SCML4: variants seen among roughly 807,000 people sequenced by gnomAD.
The protein encoded by SCML4 is sex comb on midleg-like protein 4.
Under a neutral mutation model 41.1 loss-of-function variants are expected in SCML4, and 34 were observed. The observed-to-expected ratio is 0.83, with a 90% CI of 0.63 to 1.10. The LOEUF is 1.10. Ranked by LOEUF, SCML4 falls within the 50% of genes least tolerant of loss-of-function variation. SCML4 has a pLI of 0.00. For missense variants in SCML4, 522 were observed against 534.1 expected (o/e 0.98, Z 0.22); for synonymous variants, 214 against 220.9 (o/e 0.97, Z 0.28).
chr6:107,829,853 G>A, the SCML4 span, among the ~76,000 whole-genome samples: 1 of 152,124 alleles, frequency 6.6e-6, no homozygotes, highest in Non-Finnish European at 1.5e-5. Flanking sequence ...CGTCACATTG[G>A]CAAACATATT....
At chr6:107,845,815 T>G in the SCML4 span, among the ~76,000 whole-genome samples, 1 of 152,216 alleles carries the variant, frequency 6.6e-6, no homozygotes, top group Non-Finnish European at 1.5e-5. Flanking sequence ...TGGTATTACA[T>G]TTTTACCTCG....
intron 5 of SCML4, among the ~76,000 whole-genome samples, chr6:107,730,033 T>C (rs762617588): frequency 1.6e-4 from 25 of 152,226 alleles, no homozygotes; most frequent in Middle Eastern, 6.8e-3. Flanking sequence ...CTTTACACTA[T>C]CCAACATGTT....
At chr6:107,746,960 A>G in intron 3 of SCML4, 71 bp from the exon 4 acceptor site, 3 of 1,324,084 alleles carry the variant, frequency 2.3e-6, no homozygotes, top group Non-Finnish European at 2.1e-6. Flanking sequence ...CTCTGTGTAC[A>G]CGGGGGATGC....
At chr6:107,808,442 G>T (rs575850902) in intron 1 of SCML4, among the ~76,000 whole-genome samples, 93 of 152,120 alleles carry the variant, frequency 6.1e-4, no homozygotes, top group African/African-American at 2.2e-3. Flanking sequence ...TTTTGTTTTT[G>T]TTTTTTCCTG....
intron 1 of SCML4, among the ~76,000 whole-genome samples, chr6:107,778,889 G>A (rs1370812980): frequency 6.6e-6 from 1 of 152,134 alleles, no homozygotes; most frequent in African/African-American, 2.4e-5. Context: ...ATAAAAATAA[G>A]ACACATCCCG....
intron 6 of SCML4, among the ~76,000 whole-genome samples, chr6:107,713,891 A>G (rs1257983101): frequency 1.3e-5 from 2 of 152,214 alleles, no homozygotes; most frequent in African/African-American, 4.8e-5. Context: ...AGATTAGCCC[A>G]CGATTATGGC....
chr6:107,772,424 G>A, intron 1 of SCML4, 38 bp from the exon 2 acceptor site: 2 of 1,216,492 alleles, frequency 1.6e-6, no homozygotes, highest in Non-Finnish European at 2.2e-6. Flanking sequence ...AACAAAAACA[G>A]AAGGGTTTGT....
chr6:107,714,495 A>G (rs1774553953), intron 6 of SCML4, among the ~76,000 whole-genome samples: 1 of 152,164 alleles, frequency 6.6e-6, no homozygotes, highest in African/African-American at 2.4e-5. Flanking sequence ...TCTCCCTGAC[A>G]GCAATCATCA....
intron 2 of SCML4, among the ~76,000 whole-genome samples, chr6:107,769,050 T>C (rs757482189): frequency 2.6e-5 from 4 of 152,204 alleles, no homozygotes; most frequent in African/African-American, 4.8e-5. Context: ...CCTCAACCAA[T>C]AGCAGATGTT....
intron 1 of SCML4, among the ~76,000 whole-genome samples, chr6:107,785,390 C>G (rs34909032): frequency 0.029 from 4,414 of 152,280 alleles, 96 homozygotes; most frequent in Middle Eastern, 0.054. Context: ...CAGGCTGCAG[C>G]GAATCAGTTT....
chr6:107,827,684 T>C (rs1034754007), upstream of SCML4, among the ~76,000 whole-genome samples: 9 of 152,226 alleles, frequency 5.9e-5, no homozygotes, highest in Non-Finnish European at 1.2e-4. Flanking sequence ...TTCTTTGCAC[T>C]GTGGTTACAT....
Position 107,778,210 on chromosome 6 carries a change from AAAAAAAAAAAAAATATATATATATATAT to A in SCML4, c.-59-5852_-59-5825del, listed in dbSNP as rs1275416228. Among the ~76,000 whole-genome samples the A allele has an allele frequency of 4.7e-4, 10 of 21,328 alleles. 1 individual carries two copies. Among genetic ancestry groups the A allele is most frequent in the East Asian group, 9.9e-4 (2 of 2,022 alleles). 14.0% of individuals were successfully genotyped at this position (21,328 alleles called of 152,430 possible). A position where few individuals can be genotyped will look rare whatever the true frequency, so the allele number is the denominator to read the frequency against. ...AGACTCTATCTCAAAAAAAAAAAAA[AAAAAAAAAAAAAATATATATATATATAT>A]ATATATATATATATATATATATATA... is the stretch of plus-strand genomic sequence containing the variant. On this transcript the variant is annotated intron_variant, in intron 1 of 7. Transcript: ENST00000369020.
chr6:107,826,751 G>A (rs1382920957), upstream of SCML4, among the ~76,000 whole-genome samples: 1 of 152,168 alleles, frequency 6.6e-6, no homozygotes, highest in Non-Finnish European at 1.5e-5. Context: ...TGGTAATAAA[G>A]CCTAAAATTG....
intron 2 of SCML4, among the ~76,000 whole-genome samples, chr6:107,756,063 G>A (rs1779082880): frequency 6.6e-6 from 1 of 152,108 alleles, no homozygotes; most frequent in Admixed American, 6.5e-5. Flanking sequence ...AAATAAAAGG[G>A]AAAGAACAAA....
intron 1 of SCML4, among the ~76,000 whole-genome samples, chr6:107,819,882 G>T (rs1195761000): frequency 6.6e-6 from 1 of 152,230 alleles, no homozygotes; most frequent in Non-Finnish European, 1.5e-5. Flanking sequence ...CAAATGGACT[G>T]AGTGGAATGA....
chr6:107,703,195 G>A lies in SCML4; in HGVS notation c.*2005C>T, dbSNP rs981181727. On this transcript the variant is annotated 3_prime_UTR_variant, in exon 8 of 8. Coordinates refer to ENST00000369020, the MANE Select transcript of SCML4 (RefSeq NM_198081.5). Reference sequence around the variant, plus strand: ...CCCTCAGAGCTGCTTTGACTATGGGGTAGCCATTCTTTCCTTCCTTTACTT... The same window carrying A: ...CCCTCAGAGCTGCTTTGACTATGGGATAGCCATTCTTTCCTTCCTTTACTT... Among the ~76,000 whole-genome samples the A allele has an allele frequency of 6.6e-6, 1 of 152,166 alleles. No homozygotes were observed. The highest frequency in any genetic ancestry group is 2.4e-5 in the African/African-American group (1 of 41,436).
chr6:107,778,970 G>A (rs1485482274), intron 1 of SCML4, among the ~76,000 whole-genome samples: 1 of 152,156 alleles, frequency 6.6e-6, no homozygotes, highest in South Asian at 2.1e-4. Flanking sequence ...CACGAGGTCA[G>A]GAGATCAAGA....
intron 5 of SCML4, among the ~76,000 whole-genome samples, chr6:107,743,244 T>G (rs903680649): frequency 6.6e-6 from 1 of 152,208 alleles, no homozygotes; most frequent in African/African-American, 2.4e-5. Flanking sequence ...CCTGGACATA[T>G]CAATTATTGA....
intron 6 of SCML4, chr6:107,719,802 G>T: frequency 1.3e-5 from 9 of 704,040 alleles, no homozygotes; most frequent in Non-Finnish European, 1.6e-5. Flanking sequence ...AAGGTAGGCA[G>T]GAAGCAGCAG....
Sources: allele counts gnomAD v4.1 joint callset (sites outside exome capture counted in the v4.1 genomes callset), GRCh38; gene constraint gnomAD v4.1.1; transcripts MANE v1.5; gene names NCBI Gene and HGNC (gene_info 2026-07-23, HGNC 2026-07-21).